The following APOA4 variants were observed in gnomAD, a reference collection of about 807,000 sequenced individuals.
APOA4 encodes apolipoprotein A-IV.
In APOA4, 25 loss-of-function variants were observed where a neutral mutation model predicts 33.6. The observed-to-expected ratio is 0.74, with a 90% CI of 0.54 to 1.04. The LOEUF (loss-of-function observed/expected upper bound fraction) is 1.04. APOA4 is among the 50% of genes least tolerant of loss of function. The pLI is 0.00. For synonymous variants in APOA4, 228 were observed against 224.0 expected, an observed-to-expected ratio of 1.02 and a Z score of -0.16; for missense variants, 549 against 510.4, an observed-to-expected ratio of 1.08 and a Z score of -0.73.
Position 116,821,842 on chromosome 11 carries a change from G to C in APOA4, c.216C>G (p.Tyr72Ter), listed in dbSNP as rs5101. 6.2e-7 allele frequency: 1 copy of C among 1,613,984 alleles called. No individual in the cohort carries two copies. The highest frequency in any genetic ancestry group is 1.1e-5 in the South Asian group (1 of 91,088). The change falls in exon 3 of 3, where the codon TAC (tyrosine) becomes TAG (stop). Residue 72 changes from tyrosine to a stop codon, truncating the protein, a stop_gained. Coordinates refer to ENST00000357780, the MANE Select transcript of APOA4 (RefSeq NM_000482.4). LOFTEE classifies it high-confidence loss of function. ...CCAGCTTCTTCTGCAGGTCACCTGC[G>C]TAAGTGTTCACTTCTCCAAGTTTGT... ...FQDKLGEVNT[Y>*]AGDLQKKLVP...
In APOA4 at chr11:116,820,979, T is replaced by C; in HGVS notation, c.1079A>G (p.Glu360Gly). Reference protein sequence around the residue: ...KVNSFFSTFKEKESQDKTLSL... With the variant: ...KVNSFFSTFKGKESQDKTLSL... ...GAGAGTCTTGTCCTGGCTCTCTTTC[T>C]CCTTGAAGGTGCTGAAGAAGGAGTT... The change falls in exon 3 of 3, where the codon GAG becomes GGG. Residue 360 changes from glutamate (E) to glycine (G), a missense_variant. Physicochemically the swap from Glu to Gly is moderately conservative, Grantham distance 98. Transcript: ENST00000357780. 6.2e-7 allele frequency: 1 copy of C among 1,614,214 alleles called. No individual in the cohort carries two copies. Among genetic ancestry groups the C allele is most frequent in the South Asian group, 1.1e-5 (1 of 91,090 alleles).
chr11:116,822,344 C>A (rs1234021233), intron 2 of APOA4, among the ~76,000 whole-genome samples: 2 of 152,160 alleles, frequency 1.3e-5, no homozygotes, highest in Non-Finnish European at 2.9e-5. Flanking sequence ...TCCACTGGGG[C>A]CTGTCTTTCT....
Position 116,822,718 on chromosome 11 carries a change from G to T in APOA4, c.117C>A (p.Ser39Arg), listed in dbSNP as rs775868803. 6.2e-7 allele frequency: 1 copy of T among 1,614,198 alleles called. No individual in the cohort carries two copies. The highest frequency in any genetic ancestry group is 2.2e-5 in the East Asian group (1 of 44,882). The change falls in exon 2 of 3, where the codon AGC becomes AGA. Residue 39 changes from serine (S) to arginine (R), a missense_variant. Ser to Arg is a moderately radical substitution (Grantham distance 110). Transcript: ENST00000357780. ...GTTCCACGGCCTCCTTGGCATTGTT[G>T]CTCAGCTGGCTGAAGTAGTCCCACA... The part of the protein sequence containing the change: ...TVMWDYFSQL[S>R]NNAKEAVEHL...
Position 116,821,366 on chromosome 11 carries a change from T to C in APOA4, c.692A>G (p.Gln231Arg). The C allele has an allele frequency of 6.2e-7, 1 of 1,614,178 alleles. No individual in the cohort carries two copies. The highest frequency in any genetic ancestry group is 8.5e-7 in the Non-Finnish European group (1 of 1,180,016). ...RSLAPYAQDTQEKLNHQLEGL... is the reference protein window; with the variant it reads ...RSLAPYAQDTREKLNHQLEGL... ...CTCAAGCTGGTGGTTGAGCTTCTCC[T>C]GCGTGTCCTGAGCATAGGGAGCCAG... Residue 231 changes from glutamine (Q) to arginine (R), a missense_variant, in exon 3 of 3, where the codon CAG (glutamine) becomes CGG (arginine). By Grantham distance (43) the Gln-to-Arg change is conservative (BLOSUM62 1). Coordinates refer to ENST00000357780, the MANE Select transcript of APOA4 (RefSeq NM_000482.4).
Position 116,823,231 on chromosome 11 carries a change from C to A in APOA4, c.-40G>T. On this transcript the variant is annotated 5_prime_UTR_variant, in exon 1 of 3. Transcript: ENST00000357780. ...TGGGCTGGAGGAGTTTCTTGCCACA[C>A]TGGATCCTCCCTACAATCAGGGGAG... 6.2e-7 allele frequency: 1 copy of A among 1,612,764 alleles called. No homozygotes were observed. The highest frequency in any genetic ancestry group is 1.3e-5 in the African/African-American group (1 of 75,044).
In APOA4 at chr11:116,820,834, C is replaced by T. The variant is rs760850704; in HGVS notation, c.*33G>A. 60 of 1,608,376 alleles carry T rather than the reference C, an allele frequency of 3.7e-5. No individual in the cohort carries two copies. The highest frequency in any genetic ancestry group is 3.4e-5 in the Non-Finnish European group (40 of 1,177,224). ...ACAGGTGGCAGGGCAGGGCAGGTGT[C>T]CACGAGGGTGGGGCCAGTGCACCAG... On this transcript the variant is annotated 3_prime_UTR_variant, in exon 3 of 3. Transcript: ENST00000357780.
Position 116,821,108 on chromosome 11 carries a change from G to C in APOA4, c.950C>G (p.Ala317Gly). The C allele has an allele frequency of 6.2e-7, 1 of 1,614,020 alleles. No homozygotes were observed. The highest frequency in any genetic ancestry group is 8.5e-7 in the Non-Finnish European group (1 of 1,180,026). The change falls in exon 3 of 3, where the codon GCC becomes GGC. Residue 317 changes from alanine to glycine, a missense_variant. Ala to Gly is a moderately conservative substitution (Grantham distance 60). Transcript: ENST00000357780. ...VEPYGENFNK[A>G]LVQQMEQLRQ... ...GAGCTGTTCCATCTGCTGCACCAGG[G>C]CTTTGTTGAAGTTTTCCCCGTAGGG...
chr11:116,821,593 G>C lies in APOA4; in HGVS notation c.465C>G (p.Arg155=), dbSNP rs749621047. 1 of 1,609,946 alleles carries C rather than the reference G, an allele frequency of 6.2e-7. No homozygotes were observed. Among genetic ancestry groups the C allele is most frequent in the Middle Eastern group, 1.7e-4 (1 of 6,058 alleles). The change falls in exon 3 of 3, where the codon CGC becomes CGG. Residue 155 remains arginine (R), a synonymous_variant. Transcript: ENST00000357780. ...QVSTQAEQLR[R]QLTPYAQRME... ...TGCGCTGTGCGTAGGGGGTCAGCTGGCGCCGCAGCTGCTCGGCCTGCGTGC... is the reference window on the plus strand; with the variant it reads ...TGCGCTGTGCGTAGGGGGTCAGCTGCCGCCGCAGCTGCTCGGCCTGCGTGC...
intron 2 of APOA4, 120 bp from the exon 3 acceptor site, chr11:116,822,001 C>G: frequency 4.0e-6 from 5 of 1,254,624 alleles, no homozygotes; most frequent in Non-Finnish European, 5.8e-6. Flanking sequence ...CTCAGAGGTA[C>G]CGAGTTCACC....
chr11:116,821,570 C>A lies in APOA4; in HGVS notation c.488G>T (p.Arg163Leu), dbSNP rs760973596. The A allele has an allele frequency of 1.9e-6, 3 of 1,611,614 alleles. No homozygotes were observed. The highest frequency in any genetic ancestry group is 8.5e-7 in the Non-Finnish European group (1 of 1,179,942). ...LRRQLTPYAQ[R>L]MERVLRENAD... ...GTTCTCCCGCAGCACTCTCTCCATGCGCTGTGCGTAGGGGGTCAGCTGGCG... is the reference window on the plus strand; with the variant it reads ...GTTCTCCCGCAGCACTCTCTCCATGAGCTGTGCGTAGGGGGTCAGCTGGCG... The change falls in exon 3 of 3, where the codon CGC (arginine) becomes CTC (leucine). Residue 163 changes from arginine (R) to leucine (L), a missense_variant. Arg to Leu is a moderately radical substitution (Grantham distance 102, BLOSUM62 -2). Transcript: ENST00000357780.
chr11:116,820,923 G>T lies in APOA4; in HGVS notation c.1135C>A (p.Gln379Lys). ...TGCTCCTGCTGCTGCTCCTGCTGCT[G>T]TTCCTGCTGTTGCTCCAGCTCAGGG... is the stretch of plus-strand genomic sequence containing the variant. ...SLPELEQQQE[Q>K]QQEQQQEQVQ... is the part of the protein sequence containing the mutation. Residue 379 changes from glutamine (Q) to lysine (K), a missense_variant, in exon 3 of 3, where the codon CAG becomes AAG. By Grantham distance (53) the Gln-to-Lys change is moderately conservative (BLOSUM62 1). Coordinates refer to ENST00000357780, the MANE Select transcript of APOA4 (RefSeq NM_000482.4). The T allele has an allele frequency of 1.2e-6, 2 of 1,614,154 alleles. No individual in the cohort carries two copies. Among genetic ancestry groups the T allele is most frequent in the Non-Finnish European group, 1.7e-6 (2 of 1,179,984 alleles).
chr11:116,823,115 G>A (rs751806674), intron 1 of APOA4, 28 bp downstream of exon 1: 3 of 1,613,540 alleles, frequency 1.9e-6, no homozygotes, highest in Non-Finnish European at 2.5e-6. Context: ...CAGCCCAGGA[G>A]TGCCATCCAA....
In APOA4 at chr11:116,821,598, G is replaced by C. The variant is rs150633651; in HGVS notation, c.460C>G (p.Arg154Gly). ...TQVSTQAEQL[R>G]RQLTPYAQRM... ...TGTGCGTAGGGGGTCAGCTGGCGCC[G>C]CAGCTGCTCGGCCTGCGTGCTGACC... Residue 154 changes from arginine (R) to glycine (G), a missense_variant, in exon 3 of 3, where the codon CGG becomes GGG. Physicochemically the swap from Arg to Gly is moderately radical, Grantham distance 125. Transcript: ENST00000357780. 2 of 1,609,742 alleles carry C rather than the reference G, an allele frequency of 1.2e-6. No individual in the cohort carries two copies. The highest frequency in any genetic ancestry group is 2.2e-5 in the South Asian group (2 of 90,982).
rs746344058 is a variant in APOA4 at position 116,821,597 on chromosome 11, C to A, written c.461G>T (p.Arg154Leu). The A allele has an allele frequency of 3.7e-5, 60 of 1,609,742 alleles. No individual in the cohort carries two copies. The East Asian group carries it at 1.2e-3, about 33-fold the overall frequency. Reference sequence around the variant, plus strand: ...CTGTGCGTAGGGGGTCAGCTGGCGCCGCAGCTGCTCGGCCTGCGTGCTGAC... The same window carrying A: ...CTGTGCGTAGGGGGTCAGCTGGCGCAGCAGCTGCTCGGCCTGCGTGCTGAC... Reference protein sequence around the residue: ...TQVSTQAEQLRRQLTPYAQRM... With the variant: ...TQVSTQAEQLLRQLTPYAQRM... Residue 154 changes from arginine to leucine, a missense_variant, in exon 3 of 3, where the codon CGG becomes CTG. Coordinates refer to ENST00000357780, the MANE Select transcript of APOA4 (RefSeq NM_000482.4).
In APOA4 at chr11:116,823,177, G is replaced by A. The variant is rs370537175; in HGVS notation, c.15C>T (p.Ala5=). The A allele has an allele frequency of 7.2e-5, 116 of 1,613,948 alleles. No individual in the cohort carries two copies. The highest frequency in any genetic ancestry group is 4.7e-4 in the Admixed American group (28 of 60,000). MFLK[A]VVLTLALVAV... ...CCACCAGGGCCAGGGTCAGGACCAC[G>A]GCCTTCAGGAACATCCTGAGCTGCT... Residue 5 remains alanine, a synonymous_variant, in exon 1 of 3, where the codon GCC becomes GCT. Coordinates refer to ENST00000357780, the MANE Select transcript of APOA4 (RefSeq NM_000482.4).
Position 116,823,181 on chromosome 11 carries a change from T to C in APOA4, c.11A>G (p.Lys4Arg). Residue 4 changes from lysine to arginine, a missense_variant, in exon 1 of 3, where the codon AAG (lysine) becomes AGG (arginine). By Grantham distance (26) the Lys-to-Arg change is conservative. Transcript: ENST00000357780. MFL[K>R]AVVLTLALVA... ...CAGGGCCAGGGTCAGGACCACGGCCTTCAGGAACATCCTGAGCTGCTTGCT... is the reference window on the plus strand; with the variant it reads ...CAGGGCCAGGGTCAGGACCACGGCCCTCAGGAACATCCTGAGCTGCTTGCT... 1 of 1,614,100 alleles carries C rather than the reference T, an allele frequency of 6.2e-7. No individual in the cohort carries two copies. The highest frequency in any genetic ancestry group is 2.2e-5 in the East Asian group (1 of 44,878).
At position 116,821,626 on chromosome 11, in the gene APOA4, G is replaced by C. The variant is rs767459529; in HGVS notation, c.432C>G (p.Thr144=). ...GCTGCTCGGCCTGCGTGCTGACCTG[G>C]GTGCGCAGCTGGTCCGCGTAGGGCT... The part of the protein sequence containing the change: ...RLEPYADQLR[T]QVSTQAEQLR... Residue 144 remains threonine (T), a synonymous_variant, in exon 3 of 3, where the codon ACC becomes ACG. Coordinates refer to ENST00000357780, the MANE Select transcript of APOA4 (RefSeq NM_000482.4). 2 of 1,610,432 alleles carry C rather than the reference G, an allele frequency of 1.2e-6. No individual in the cohort carries two copies. The highest frequency in any genetic ancestry group is 1.7e-6 in the Non-Finnish European group (2 of 1,178,488).
At position 116,822,877 on chromosome 11, in the gene APOA4, G is replaced by C. The variant is rs1235341727; in HGVS notation, c.50-92C>G. ...AGCTGCAGACTGGATGATGGTGGGG[G>C]TGCCTCAACCTGCCATTTTCCCTGT... On this transcript the variant is annotated intron_variant, in intron 1 of 2. Transcript: ENST00000357780. 1.9e-6 allele frequency: 3 copies of C among 1,591,688 alleles called. No homozygotes were observed. The East Asian group carries it at 6.7e-5, about 36-fold the overall frequency.
intron 2 of APOA4, 116 bp from the exon 3 acceptor site, chr11:116,821,997 G>A: frequency 2.2e-6 from 3 of 1,368,754 alleles, no homozygotes; most frequent in South Asian, 2.3e-5. Flanking sequence ...AGTGCTCAGA[G>A]GTACCGAGTT....
Sources: allele counts gnomAD v4.1 joint callset (sites outside exome capture counted in the v4.1 genomes callset), GRCh38; gene constraint gnomAD v4.1.1; transcripts MANE v1.5; gene names NCBI Gene and HGNC (gene_info 2026-07-23, HGNC 2026-07-21).